PARD3: variants seen among roughly 807,000 people sequenced by gnomAD.
PARD3 encodes the protein par-3 family cell polarity regulator.
PARD3 carries 75 observed loss-of-function variants against 155.4 expected under a neutral mutation model. That is an observed-to-expected ratio of 0.48 (90% CI 0.40 to 0.58). The LOEUF (loss-of-function observed/expected upper bound fraction) is 0.58. Ranked by LOEUF, PARD3 falls within the 20% of genes least tolerant of loss-of-function variation. PARD3 has a pLI of 0.00. For missense variants in PARD3, 1,642 were observed against 1,721.7 expected (o/e 0.95, Z 0.82); for synonymous variants, 576 against 610.5 (o/e 0.94, Z 0.83).
At chr10:34,187,844 T>TCC (rs1443330094) in intron 22 of PARD3, among the ~76,000 whole-genome samples, 1 of 152,192 alleles carries the variant, frequency 6.6e-6, no homozygotes, top group Non-Finnish European at 1.5e-5. Flanking sequence ...TCCACTAAAT[T>TCC]ACTTTAAACC....
At chr10:34,768,642 T>C (rs1838434786) in intron 1 of PARD3, among the ~76,000 whole-genome samples, 1 of 152,202 alleles carries the variant, frequency 6.6e-6, no homozygotes, top group South Asian at 2.1e-4. Context: ...GCCCCCAAGA[T>C]TTATTTTCCT....
At chr10:34,415,996 C>T (rs1403988682) in intron 5 of PARD3, among the ~76,000 whole-genome samples, 1 of 152,166 alleles carries the variant, frequency 6.6e-6, no homozygotes, top group African/African-American at 2.4e-5. Flanking sequence ...ATCTGCCAGG[C>T]ACTATACACA....
intron 1 of PARD3, among the ~76,000 whole-genome samples, chr10:34,705,148 G>A (rs1291020278): frequency 1.3e-5 from 2 of 152,100 alleles, no homozygotes; most frequent in African/African-American, 4.8e-5. Context: ...GACTTTTCCT[G>A]ATTTAATCAG....
At chr10:34,377,311 T>C (rs1421068556) in intron 10 of PARD3, among the ~76,000 whole-genome samples, 1 of 152,178 alleles carries the variant, frequency 6.6e-6, no homozygotes, top group African/African-American at 2.4e-5. Context: ...TAAAAATTTA[T>C]AACTAAACTA....
intron 22 of PARD3, among the ~76,000 whole-genome samples, chr10:34,265,488 A>C (rs1955255993): frequency 6.6e-6 from 1 of 152,198 alleles, no homozygotes. Flanking sequence ...TGCAGGCTAC[A>C]CATCAGACTG....
chr10:34,663,936 T>C (rs976079326), intron 2 of PARD3: 3 of 152,140 alleles, frequency 2.0e-5, no homozygotes, highest in Non-Finnish European at 2.9e-5. Context: ...TAGTGTACAA[T>C]GTTTAGGCGC....
intron 20 of PARD3, among the ~76,000 whole-genome samples, chr10:34,309,554 A>C (rs1957591709): frequency 4.7e-4 from 3 of 6,346 alleles, no homozygotes; most frequent in East Asian, 1.9e-3. Flanking sequence ...TCTCCAAAAA[A>C]AAAAAAAAAA....
intron 2 of PARD3, among the ~76,000 whole-genome samples, chr10:34,573,392 T>C (rs2086593224): frequency 6.6e-6 from 1 of 151,418 alleles, no homozygotes; most frequent in Non-Finnish European, 1.5e-5. Context: ...TGTATTACAG[T>C]CTTCGCTAAG....
chr10:34,751,018 C>G (rs182696925), intron 1 of PARD3, among the ~76,000 whole-genome samples: 1 of 152,234 alleles, frequency 6.6e-6, no homozygotes, highest in Admixed American at 6.5e-5. Context: ...TTTACACTCT[C>G]TTACACTGTA....
intron 12 of PARD3, among the ~76,000 whole-genome samples, chr10:34,364,742 A>C (rs1405408673): frequency 1.3e-5 from 2 of 152,176 alleles, no homozygotes; most frequent in Non-Finnish European, 2.9e-5. Flanking sequence ...CTGAGTTATT[A>C]GCAAATAGCT....
At chr10:34,492,005 T>G (rs1286181619) in intron 3 of PARD3, among the ~76,000 whole-genome samples, 1 of 152,110 alleles carries the variant, frequency 6.6e-6, no homozygotes, top group East Asian at 1.9e-4. Flanking sequence ...ATATTGAAAA[T>G]CATTTCCTTG....
intron 24 of PARD3, among the ~76,000 whole-genome samples, chr10:34,116,964 G>C (rs531666539): frequency 2.6e-5 from 4 of 152,318 alleles, no homozygotes; most frequent in African/African-American, 9.6e-5. Flanking sequence ...AGAGGAATGG[G>C]AAGGCGAGGA....
chr10:34,754,983 T>G (rs1201169732), intron 1 of PARD3, among the ~76,000 whole-genome samples: 1 of 152,236 alleles, frequency 6.6e-6, no homozygotes, highest in African/African-American at 2.4e-5. Context: ...TTAAAGCTTA[T>G]GAGCAAATGG....
In PARD3 at chr10:34,470,206, G is replaced by A. The variant is rs769220206; in HGVS notation, c.461C>T (p.Ser154Phe). 2.5e-6 allele frequency: 4 copies of A among 1,613,044 alleles called. No homozygotes were observed. The South Asian group carries it at 4.4e-5, about 18-fold the overall frequency. Residue 154 changes from serine (S) to phenylalanine (F), a missense_variant, in exon 4 of 25, where the codon TCT (serine) becomes TTT (phenylalanine). Physicochemically the swap from Ser to Phe is radical, Grantham distance 155. Around this residue, in one of 3 missense-constraint regions of PARD3, gnomAD observed 1,529 missense variants for 1,587.3 expected, o/e 0.96. Coordinates refer to ENST00000374788, the MANE Select transcript of PARD3 (RefSeq NM_001184785.2). ...AGAGGAAAAATTACTATCACTGACA[G>A]AAGTGGAGAGGCCAATTAGAGCTGG... ...SDPALIGLST[S>F]VSDSNFSSEE...
chr10:34,187,531 A>G (rs1254200128), intron 22 of PARD3, among the ~76,000 whole-genome samples: 1 of 152,206 alleles, frequency 6.6e-6, no homozygotes, highest in Non-Finnish European at 1.5e-5. Context: ...ACATTGTCTA[A>G]AAGGGAAAAA....
chr10:34,438,949 G>T (rs1194651240), intron 5 of PARD3, among the ~76,000 whole-genome samples: 3 of 152,150 alleles, frequency 2.0e-5, no homozygotes, highest in African/African-American at 7.2e-5. Context: ...ACAGGGGTTT[G>T]CCAGGGAGGA....
At chr10:34,355,166 T>C (rs1403575697) in intron 14 of PARD3, among the ~76,000 whole-genome samples, 3 of 152,232 alleles carry the variant, frequency 2.0e-5, no homozygotes. Context: ...TGAGATCCCA[T>C]CTTTAAAGAA....
intron 3 of PARD3, among the ~76,000 whole-genome samples, chr10:34,478,752 A>G (rs2078876177): frequency 6.6e-6 from 1 of 152,188 alleles, no homozygotes; most frequent in African/African-American, 2.4e-5. Context: ...CATGTTGGTC[A>G]GGCTGGTCTC....
intron 2 of PARD3, among the ~76,000 whole-genome samples, chr10:34,521,219 A>AC (rs2082123727): frequency 6.6e-6 from 1 of 152,182 alleles, no homozygotes; most frequent in Admixed American, 6.5e-5. Flanking sequence ...GTGATTTGCA[A>AC]TATGCCAATA....
Sources: allele counts gnomAD v4.1 joint callset (sites outside exome capture counted in the v4.1 genomes callset), GRCh38; gene constraint gnomAD v4.1.1; regional missense constraint gnomAD v4.1.1; transcripts MANE v1.5; gene names NCBI Gene and HGNC (gene_info 2026-07-23, HGNC 2026-07-21).